The following ADAM12 variants were observed in gnomAD, a reference collection of about 807,000 sequenced individuals.
ADAM12 encodes the protein ADAM metallopeptidase domain 12, also known as disintegrin and metalloproteinase domain-containing protein 12.
Under a neutral mutation model 106.4 loss-of-function variants are expected in ADAM12, and 70 were observed. The ratio of observed to expected loss-of-function variants is 0.66; its 90% CI spans 0.54 to 0.80. ADAM12 has a LOEUF of 0.80. Ranked by LOEUF, ADAM12 falls within the 30% of genes least tolerant of loss-of-function variation. The pLI is 0.00. For missense variants in ADAM12, 1,010 were observed against 1,171.9 expected (o/e 0.86, Z 2.02); for synonymous variants, 420 against 433.5 (o/e 0.97, Z 0.39).
chr10:126,027,158 C>T (rs1953889317), intron 21 of ADAM12, among the ~76,000 whole-genome samples: 1 of 151,906 alleles, frequency 6.6e-6, no homozygotes, highest in South Asian at 2.1e-4. Context: ...CACATACAGT[C>T]TCTGAGACTG....
intron 14 of ADAM12, among the ~76,000 whole-genome samples, chr10:126,063,596 C>A (rs1048018326): frequency 6.6e-6 from 1 of 152,204 alleles, no homozygotes; most frequent in Non-Finnish European, 1.5e-5. Flanking sequence ...CCACAAGAGG[C>A]CTTGCCAGAG....
chr10:126,018,161 C>T (rs1464054263), intron 22 of ADAM12, among the ~76,000 whole-genome samples: 1 of 152,252 alleles, frequency 6.6e-6, no homozygotes, highest in East Asian at 1.9e-4. Flanking sequence ...AATAAAATCA[C>T]TCCAGTGTGT....
At chr10:126,051,416 T>C in intron 14 of ADAM12, among the ~76,000 whole-genome samples, 1 of 150,588 alleles carries the variant, frequency 6.6e-6, no homozygotes, top group East Asian at 1.9e-4. Context: ...CATCTATCCA[T>C]TCATCCATCC....
chr10:126,100,754 G>T (rs1013154350), intron 9 of ADAM12, among the ~76,000 whole-genome samples: 2 of 151,870 alleles, frequency 1.3e-5, no homozygotes, highest in Non-Finnish European at 2.9e-5. Flanking sequence ...AAAAAAATAG[G>T]CTACTCAGAA....
At chr10:126,325,696 C>T (rs899538833) in intron 2 of ADAM12, among the ~76,000 whole-genome samples, 4 of 152,134 alleles carry the variant, frequency 2.6e-5, no homozygotes, top group Non-Finnish European at 5.9e-5. Flanking sequence ...GGTCATCTCA[C>T]GATCAATCAC....
rs1955273042 is a variant in ADAM12 at position 126,083,512 on chromosome 10, C to G, written c.1145+10473G>C. Among the ~76,000 whole-genome samples, 4 of 152,228 alleles carry G rather than the reference C, an allele frequency of 2.6e-5. No homozygotes were observed. In the South Asian group the frequency reaches 8.3e-4, roughly 32 times the overall value. On this transcript the variant is annotated intron_variant, in intron 11 of 22. Transcript: ENST00000448723. ...CCGATGCCTCGGGACTCCCTGGAGCCAGACGTAAACAGAAGGAACACCCAA... is the reference window on the plus strand; with the variant it reads ...CCGATGCCTCGGGACTCCCTGGAGCGAGACGTAAACAGAAGGAACACCCAA...
chr10:126,113,136 A>C (rs901946785), intron 6 of ADAM12, among the ~76,000 whole-genome samples: 34 of 152,190 alleles, frequency 2.2e-4, no homozygotes, highest in African/African-American at 8.0e-4. Flanking sequence ...CATGTGTGGA[A>C]AGATTGTGGG....
At chr10:126,205,904 A>C (rs1204454350) in intron 3 of ADAM12, among the ~76,000 whole-genome samples, 1 of 152,214 alleles carries the variant, frequency 6.6e-6, no homozygotes, top group Non-Finnish European at 1.5e-5. Context: ...TATAGACAAA[A>C]CATCACTGGT....
intron 5 of ADAM12, among the ~76,000 whole-genome samples, chr10:126,127,048 C>A (rs1956218174): frequency 6.6e-6 from 1 of 152,186 alleles, no homozygotes; most frequent in Non-Finnish European, 1.5e-5. Flanking sequence ...CCAGTGGATC[C>A]CTGTGGCATG....
At chr10:126,333,303 C>G (rs1854585945) in intron 1 of ADAM12, among the ~76,000 whole-genome samples, 1 of 152,206 alleles carries the variant, frequency 6.6e-6, no homozygotes, top group Non-Finnish European at 1.5e-5. Flanking sequence ...AAACTAGAAT[C>G]CTGTGTCACT....
chr10:126,292,074 G>A (rs780291091), intron 2 of ADAM12, among the ~76,000 whole-genome samples: 14 of 151,896 alleles, frequency 9.2e-5, no homozygotes, highest in African/African-American at 3.1e-4. Flanking sequence ...GAAGATGCTC[G>A]ACGCCAAATC....
At chr10:126,238,303 A>G (rs1401209663) in intron 3 of ADAM12, among the ~76,000 whole-genome samples, 1 of 152,106 alleles carries the variant, frequency 6.6e-6, no homozygotes, top group Non-Finnish European at 1.5e-5. Flanking sequence ...AACATGGGGA[A>G]ACCCCATCTC....
intron 8 of ADAM12, among the ~76,000 whole-genome samples, chr10:126,102,022 C>G (rs954573789): frequency 1.3e-5 from 2 of 152,152 alleles, no homozygotes; most frequent in African/African-American, 4.8e-5. Context: ...CTGACTTCAG[C>G]CTATGGCCCA....
intron 3 of ADAM12, among the ~76,000 whole-genome samples, chr10:126,248,506 C>T (rs574134298): frequency 3.9e-4 from 60 of 152,132 alleles, no homozygotes; most frequent in Non-Finnish European, 7.5e-4. Flanking sequence ...GCTTTGGCTT[C>T]TCACTGGTCT....
chr10:126,033,379 CATTTCACCCT>C (rs1273385286), intron 21 of ADAM12, among the ~76,000 whole-genome samples: 1 of 152,154 alleles, frequency 6.6e-6, no homozygotes, highest in Non-Finnish European at 1.5e-5. Context: ...GGAATAAGTA[CATTTCACCCT>C]ATTTCTCCTG....
intron 3 of ADAM12, among the ~76,000 whole-genome samples, chr10:126,221,428 A>G (rs899204390): frequency 1.1e-4 from 16 of 152,062 alleles, no homozygotes; most frequent in African/African-American, 3.9e-4. Flanking sequence ...AAGAAAGAGA[A>G]GAAAAAGAAA....
chr10:126,313,229 T>C (rs1233977830), intron 2 of ADAM12, among the ~76,000 whole-genome samples: 1 of 152,166 alleles, frequency 6.6e-6, no homozygotes, highest in Non-Finnish European at 1.5e-5. Flanking sequence ...TGTTTAAGTA[T>C]CTTCATGGCT....
At chr10:126,081,274 C>A (rs1487656961) in intron 11 of ADAM12, among the ~76,000 whole-genome samples, 1 of 152,104 alleles carries the variant, frequency 6.6e-6, no homozygotes, top group East Asian at 1.9e-4. Flanking sequence ...CAGGCAGCGG[C>A]TGAGAACAGC....
intron 2 of ADAM12, among the ~76,000 whole-genome samples, chr10:126,283,206 G>C (rs1959673243): frequency 6.6e-6 from 1 of 152,060 alleles, no homozygotes; most frequent in Non-Finnish European, 1.5e-5. Flanking sequence ...TGAGTGGTGG[G>C]GAGCTGCTCT....
Sources: gnomAD v4.1 joint callset for allele counts (sites outside exome capture counted in the v4.1 genomes callset) on GRCh38, gnomAD v4.1.1 for gene constraint, MANE v1.5 for transcripts, NCBI Gene and HGNC (gene_info 2026-07-23, HGNC 2026-07-21) for gene names.